Variants in BRINP3 observed in about 807,000 individuals in gnomAD.
BRINP3 encodes BMP/retinoic acid-inducible neural-specific protein 3.
BRINP3 carries 19 observed loss-of-function variants against 71.0 expected under a neutral mutation model. That is an observed-to-expected ratio of 0.27 (90% CI 0.19 to 0.39). BRINP3 has a LOEUF of 0.39. Ranked by LOEUF, BRINP3 falls within the 10% of genes least tolerant of loss-of-function variation. The pLI is 1.00. For missense variants in BRINP3, 959 were observed against 940.8 expected, an observed-to-expected ratio of 1.02 and a Z score of -0.25; for synonymous variants, 380 against 337.7, an observed-to-expected ratio of 1.13 and a Z score of -1.37.
chr1:190,230,100 CAGA>C (rs1257105591), intron 5 of BRINP3, among the ~76,000 whole-genome samples: 3 of 151,578 alleles, frequency 2.0e-5, no homozygotes, highest in African/African-American at 7.3e-5. Flanking sequence ...TGAAATATTG[CAGA>C]AGAATACGTT....
At chr1:190,349,270 C>G (rs1264999825) in intron 2 of BRINP3, among the ~76,000 whole-genome samples, 1 of 151,944 alleles carries the variant, frequency 6.6e-6, no homozygotes, top group Non-Finnish European at 1.5e-5. Context: ...TTTTCATGAG[C>G]CACTAAATTT....
At chr1:190,343,899 G>A (rs1286725257) in intron 2 of BRINP3, among the ~76,000 whole-genome samples, 1 of 151,510 alleles carries the variant, frequency 6.6e-6, no homozygotes, top group Non-Finnish European at 1.5e-5. Context: ...TTGTTCCTAA[G>A]TCCATGGTGC....
chr1:190,410,044 C>T (rs1466398110), intron 2 of BRINP3, among the ~76,000 whole-genome samples: 2 of 152,022 alleles, frequency 1.3e-5, no homozygotes, highest in East Asian at 1.9e-4. Context: ...TCCCTTCCTT[C>T]TTTCCTATTT....
intron 7 of BRINP3, among the ~76,000 whole-genome samples, chr1:190,116,793 A>C (rs981304766): frequency 6.6e-6 from 1 of 152,122 alleles, no homozygotes; most frequent in East Asian, 1.9e-4. Context: ...CCTGTGAAAT[A>C]TTTTTGATTC....
At chr1:190,309,611 T>A (rs1411945051) in intron 2 of BRINP3, among the ~76,000 whole-genome samples, 1 of 151,806 alleles carries the variant, frequency 6.6e-6, no homozygotes, top group African/African-American at 2.4e-5. Context: ...ATTTTACAAG[T>A]CTCATTGTGT....
chr1:190,357,995 A>G (rs943890516), intron 2 of BRINP3, among the ~76,000 whole-genome samples: 5 of 152,140 alleles, frequency 3.3e-5, no homozygotes, highest in African/African-American at 4.8e-5. Flanking sequence ...CTTACACCTT[A>G]TACAAAAATT....
chr1:190,258,269 C>T (rs930199840), intron 4 of BRINP3, among the ~76,000 whole-genome samples: 9 of 152,248 alleles, frequency 5.9e-5, no homozygotes, highest in South Asian at 4.1e-4. Flanking sequence ...AGCAAGGCTC[C>T]GTGGGCATGG....
At chr1:190,396,967 T>G (rs1671620781) in intron 2 of BRINP3, among the ~76,000 whole-genome samples, 2 of 151,660 alleles carry the variant, frequency 1.3e-5, no homozygotes, top group Admixed American at 1.3e-4. Flanking sequence ...TTAAAATGTC[T>G]CTTCAAGACA....
intron 2 of BRINP3, among the ~76,000 whole-genome samples, chr1:190,345,666 G>A (rs1352737747): frequency 4.8e-5 from 6 of 125,860 alleles, no homozygotes; most frequent in Non-Finnish European, 9.8e-5. Flanking sequence ...ACCTGTCATG[G>A]AAAGAATTAA....
intron 7 of BRINP3, among the ~76,000 whole-genome samples, chr1:190,130,654 T>G (rs1654462926): frequency 6.6e-6 from 1 of 152,034 alleles, no homozygotes; most frequent in Non-Finnish European, 1.5e-5. Context: ...CATATGACAT[T>G]TTGAAGTTAT....
chr1:190,448,468 T>G lies in BRINP3; in HGVS notation c.236+6187A>C, dbSNP rs200938100. 2.4e-3 allele frequency among the ~76,000 whole-genome samples: 338 copies of G among 141,632 alleles called. 6 individuals are homozygous for G. The highest frequency in any genetic ancestry group is 1.4e-3 in the Non-Finnish European group (91 of 63,108). The allele number at this position is 141,632 out of a possible 152,430, so 92.9% of individuals were successfully genotyped here. ...AACACCCCTACACTTGGGGTTTGTG[T>G]GTGTGTGTGTGTGTGTGTGTGTGTG... On this transcript the variant is annotated intron_variant, in intron 2 of 7. Coordinates refer to ENST00000367462, the MANE Select transcript of BRINP3 (RefSeq NM_199051.3).
intron 4 of BRINP3, among the ~76,000 whole-genome samples, chr1:190,261,131 T>C (rs1236397123): frequency 6.6e-6 from 1 of 152,098 alleles, no homozygotes; most frequent in African/African-American, 2.4e-5. Flanking sequence ...TGTCAGGTGA[T>C]AGATTAAATA....
intron 1 of BRINP3, among the ~76,000 whole-genome samples, chr1:190,472,827 A>G (rs1186488205): frequency 6.6e-6 from 1 of 151,528 alleles, no homozygotes; most frequent in Non-Finnish European, 1.5e-5. Flanking sequence ...ACACACACAC[A>G]CACACACACA....
rs531455550 is a variant in BRINP3, at chr1:190,177,148, T to G, written c.962-16258A>C. Among the ~76,000 whole-genome samples, 931 of 137,340 alleles carry G rather than the reference T, an allele frequency of 6.8e-3. 10 individuals are homozygous for G. Among genetic ancestry groups the G allele is most frequent in the African/African-American group, 0.023 (827 of 35,678 alleles). The allele number at this position is 137,340 out of a possible 152,430, so 90.1% of individuals were successfully genotyped here. ...GTTGGTTTGTCATGGAAGCACCCAC[T>G]TCTTTTTTTTTTTTTTTTTTTTTTT... is the stretch of plus-strand genomic sequence containing the variant. On this transcript the variant is annotated intron_variant, in intron 6 of 7. Coordinates refer to ENST00000367462, the MANE Select transcript of BRINP3 (RefSeq NM_199051.3).
At chr1:190,466,244 T>C (rs146778710) in intron 1 of BRINP3, among the ~76,000 whole-genome samples, 15 of 151,720 alleles carry the variant, frequency 9.9e-5, no homozygotes, top group African/African-American at 3.6e-4. Flanking sequence ...ACTAATATAA[T>C]CTAAGAACAA....
chr1:190,232,414 T>C (rs543252374), intron 5 of BRINP3, among the ~76,000 whole-genome samples: 126 of 152,162 alleles, frequency 8.3e-4, no homozygotes, highest in African/African-American at 2.2e-3. Context: ...GGATTGTAAA[T>C]ACCAATTAAA....
At position 190,226,230 on chromosome 1, in the gene BRINP3, A is replaced by G; in HGVS notation, c.813T>C (p.Phe271=). 1 of 1,612,614 alleles carries G rather than the reference A, an allele frequency of 6.2e-7. No individual in the cohort carries two copies. Among genetic ancestry groups the G allele is most frequent in the Non-Finnish European group, 8.5e-7 (1 of 1,179,092 alleles). The part of the protein sequence containing the change: ...SYIACNSEGE[F]ICKENDCWCH... The stretch of plus-strand genomic sequence containing the variant: ...ACCAGCAGTCATTTTCCTTGCAGAT[A>G]AACTCTCCCTCTGAATTGCAAGCAA... The change falls in exon 6 of 8, where the codon TTT becomes TTC. Residue 271 remains phenylalanine, a synonymous_variant. Transcript: ENST00000367462.
chr1:190,282,304 T>C lies in BRINP3; in HGVS notation c.237-554A>G, dbSNP rs568821142. 3.3e-5 allele frequency among the ~76,000 whole-genome samples: 5 copies of C among 151,816 alleles called. No individual in the cohort carries two copies. In the East Asian group the frequency reaches 7.7e-4, roughly 24 times the overall value. The stretch of plus-strand genomic sequence containing the variant: ...ATATTTGGAAACCCAAATTCAGCTA[T>C]TGCAATTTCTCAAGATGCAAAGTGA... On this transcript the variant is annotated intron_variant, in intron 2 of 7. Coordinates refer to ENST00000367462, the MANE Select transcript of BRINP3 (RefSeq NM_199051.3).
chr1:190,222,905 C>A (rs896240931), intron 6 of BRINP3, among the ~76,000 whole-genome samples: 3 of 151,566 alleles, frequency 2.0e-5, no homozygotes, highest in African/African-American at 4.8e-5. Context: ...TGCATGCCAA[C>A]AAATTGGAAA....
Sources: gnomAD v4.1 joint callset for allele counts (sites outside exome capture counted in the v4.1 genomes callset) on GRCh38, gnomAD v4.1.1 for gene constraint, MANE v1.5 for transcripts, NCBI Gene and HGNC (gene_info 2026-07-23, HGNC 2026-07-21) for gene names.